Variants in FMN1 observed in about 807,000 individuals in gnomAD.
FMN1 encodes formin-1.
In FMN1, 110 loss-of-function variants were observed where a neutral mutation model predicts 132.4. The observed-to-expected ratio is 0.83, with a 90% CI of 0.71 to 0.97. FMN1 has a LOEUF of 0.97. Ranked by LOEUF, FMN1 falls within the 50% of genes least tolerant of loss-of-function variation. The probability of loss-of-function intolerance (pLI) is 0.00; values close to 1 mark genes in which losing one functional copy is unlikely to be tolerated. For synonymous variants in FMN1, 722 were observed against 651.7 expected (o/e 1.11, Z -1.64); for missense variants, 1,792 against 1,705.3 (o/e 1.05, Z -0.90).
chr15:32,981,485 T>G (rs1402387262), intron 7 of FMN1, among the ~76,000 whole-genome samples: 1 of 149,718 alleles, frequency 6.7e-6, no homozygotes, highest in African/African-American at 2.5e-5. Flanking sequence ...GCCACTGCAC[T>G]CCAGCCTGGG....
intron 6 of FMN1, among the ~76,000 whole-genome samples, chr15:33,026,244 G>A (rs1336916132): frequency 1.3e-5 from 2 of 151,780 alleles, no homozygotes; most frequent in East Asian, 3.9e-4. Flanking sequence ...TGAATAAAGG[G>A]AGGTAACAAA....
At chr15:32,914,616 A>AC (rs2060640583) in intron 10 of FMN1, among the ~76,000 whole-genome samples, 1 of 151,986 alleles carries the variant, frequency 6.6e-6, no homozygotes, top group African/African-American at 2.4e-5. Flanking sequence ...TACACACACA[A>AC]AAAGTCAAAA....
chr15:32,879,242 T>A (rs1031210751), intron 16 of FMN1, among the ~76,000 whole-genome samples: 2 of 152,234 alleles, frequency 1.3e-5, no homozygotes, highest in East Asian at 1.9e-4. Flanking sequence ...CAAAGTTTTT[T>A]TTATTATTTC....
chr15:33,084,428 T>C (rs974625261), intron 5 of FMN1, among the ~76,000 whole-genome samples: 1 of 152,142 alleles, frequency 6.6e-6, no homozygotes, highest in East Asian at 1.9e-4. Context: ...ACCCACTACT[T>C]GTGACTGGCA....
intron 7 of FMN1, among the ~76,000 whole-genome samples, chr15:32,982,619 G>A (rs2032767640): frequency 6.6e-6 from 1 of 152,094 alleles, no homozygotes; most frequent in African/African-American, 2.4e-5. Flanking sequence ...AAATCTGGAG[G>A]CTGGGTAAAG....
rs1218027504 is a variant in FMN1 at position 33,037,115 on chromosome 15, A to T, written c.2161+27842T>A. ...ATGACTTCCTCAATTTCTGATCCTTATTATAAATTATCAAATAAAATAAAT... is the reference window on the plus strand; with the variant it reads ...ATGACTTCCTCAATTTCTGATCCTTTTTATAAATTATCAAATAAAATAAAT... On this transcript the variant is annotated intron_variant, in intron 6 of 20. Coordinates refer to ENST00000616417, the MANE Select transcript of FMN1 (RefSeq NM_001277313.2). Among the ~76,000 whole-genome samples, 4 of 152,268 alleles carry T rather than the reference A, an allele frequency of 2.6e-5. No homozygotes were observed. In the South Asian group the frequency reaches 8.3e-4, roughly 32 times the overall value.
At chr15:32,985,269 G>A (rs576562100) in intron 7 of FMN1, among the ~76,000 whole-genome samples, 2 of 152,164 alleles carry the variant, frequency 1.3e-5, no homozygotes, top group South Asian at 4.1e-4. Flanking sequence ...CTTATCTTGA[G>A]AACAGCCTCT....
chr15:33,062,465 C>A (rs1434306363), intron 6 of FMN1, among the ~76,000 whole-genome samples: 1 of 151,238 alleles, frequency 6.6e-6, no homozygotes, highest in African/African-American at 2.4e-5. Context: ...ACTAAAAATG[C>A]AAAAAAAATA....
chr15:33,165,249 C>T (rs1965050929), intron 3 of FMN1, among the ~76,000 whole-genome samples: 2 of 152,142 alleles, frequency 1.3e-5, no homozygotes, highest in South Asian at 4.1e-4. Flanking sequence ...TATGTGAACA[C>T]ATTCTGTGGA....
At chr15:32,977,068 C>T (rs2032268693) in intron 7 of FMN1, among the ~76,000 whole-genome samples, 1 of 152,064 alleles carries the variant, frequency 6.6e-6, no homozygotes, top group African/African-American at 2.4e-5. Context: ...CAGATGACTC[C>T]CTAAATTGAT....
At chr15:33,116,665 T>C (rs1312026608) in intron 4 of FMN1, among the ~76,000 whole-genome samples, 3 of 152,156 alleles carry the variant, frequency 2.0e-5, no homozygotes, top group Admixed American at 1.3e-4. Flanking sequence ...CCAGCAAAAC[T>C]GCCTGTGATA....
At chr15:32,925,307 A>G (rs890583826) in intron 10 of FMN1, among the ~76,000 whole-genome samples, 2 of 152,244 alleles carry the variant, frequency 1.3e-5, no homozygotes, top group Non-Finnish European at 2.9e-5. Flanking sequence ...ATAAGTGCTC[A>G]CTAACATCAC....
intron 4 of FMN1, among the ~76,000 whole-genome samples, chr15:33,127,662 C>T (rs1963226585): frequency 6.6e-6 from 1 of 152,190 alleles, no homozygotes; most frequent in African/African-American, 2.4e-5. Context: ...CCAACTGAAG[C>T]TTCCACTTGG....
At chr15:33,082,582 G>A (rs1187539130) in intron 5 of FMN1, among the ~76,000 whole-genome samples, 1 of 152,066 alleles carries the variant, frequency 6.6e-6, no homozygotes, top group African/African-American at 2.4e-5. Context: ...TAAGAATTTA[G>A]GCCCCAGTGC....
chr15:33,184,002 A>T (rs1283590479), intron 2 of FMN1, among the ~76,000 whole-genome samples: 1 of 152,144 alleles, frequency 6.6e-6, no homozygotes, highest in Non-Finnish European at 1.5e-5. Context: ...TATCTCAAGG[A>T]TATATCTTGA....
At position 32,768,328 on chromosome 15, in the gene FMN1, A is replaced by T. The variant is rs2056115462; in HGVS notation, c.*5982T>A. On this transcript the variant is annotated 3_prime_UTR_variant, in exon 21 of 21. Transcript: ENST00000616417. The stretch of plus-strand genomic sequence containing the variant: ...AAAAACACATTCGTTTCATAAGAGG[A>T]AAGTGGAAGAAAGCCCCTGAAGAGA... 1 of 152,246 alleles carries T rather than the reference A, an allele frequency of 6.6e-6. No homozygotes were observed. Among genetic ancestry groups the T allele is most frequent in the Non-Finnish European group, 1.5e-5 (1 of 68,056 alleles). The allele number at this position is 152,246 out of a possible 1,614,324, so 9.4% of individuals were successfully genotyped here. A position where few individuals can be genotyped will look rare whatever the true frequency, so the allele number is the denominator to read the frequency against.
intron 17 of FMN1, among the ~76,000 whole-genome samples, chr15:32,825,249 A>G (rs1456833058): frequency 6.6e-6 from 1 of 152,230 alleles, no homozygotes; most frequent in Non-Finnish European, 1.5e-5. Context: ...ACATGAATGT[A>G]GTCAGGTTAC....
intron 17 of FMN1, among the ~76,000 whole-genome samples, chr15:32,856,276 T>G (rs2059129454): frequency 1.3e-5 from 2 of 152,336 alleles, no homozygotes; most frequent in Middle Eastern, 3.4e-3. Flanking sequence ...GGAAAAAAGC[T>G]GCCTGCAACA....
At chr15:33,019,546 G>T (rs71462839) in intron 6 of FMN1, among the ~76,000 whole-genome samples, 3,653 of 152,272 alleles carry the variant, frequency 0.024, 64 homozygotes, top group African/African-American at 0.028. Context: ...GCGCTTGTCG[G>T]GGAGGCTCTG....
Sources: gnomAD v4.1 joint callset for allele counts (sites outside exome capture counted in the v4.1 genomes callset) on GRCh38, gnomAD v4.1.1 for gene constraint, MANE v1.5 for transcripts, NCBI Gene and HGNC (gene_info 2026-07-23, HGNC 2026-07-21) for gene names.